PPP2R5C: variants seen among roughly 807,000 people sequenced by gnomAD.
PPP2R5C encodes the protein protein phosphatase 2 regulatory subunit B'gamma.
In PPP2R5C, 7 loss-of-function variants were observed where a neutral mutation model predicts 68.9. That is an observed-to-expected ratio of 0.10 (90% confidence interval 0.06 to 0.19). The LOEUF is 0.19. PPP2R5C is among the 10% of genes least tolerant of loss of function. The pLI is 1.00. For synonymous variants in PPP2R5C, 210 were observed against 222.2 expected (o/e 0.95, Z 0.49); for missense variants, 348 against 641.3 (o/e 0.54, Z 4.94).
intron 13 of PPP2R5C, among the ~76,000 whole-genome samples, chr14:101,919,711 T>C (rs1434311378): frequency 2.6e-5 from 4 of 152,184 alleles, no homozygotes; most frequent in Admixed American, 6.5e-5. Flanking sequence ...CTCACGCCTG[T>C]AATCCCAGCA....
intron 3 of PPP2R5C, among the ~76,000 whole-genome samples, chr14:101,788,473 T>A (rs1267252251): frequency 2.0e-5 from 3 of 152,230 alleles, no homozygotes; most frequent in African/African-American, 7.2e-5. Flanking sequence ...CTTTACCTCT[T>A]CTGAGGAGTC....
intron 1 of PPP2R5C, among the ~76,000 whole-genome samples, chr14:101,830,503 G>A (rs565563651): frequency 2.3e-4 from 35 of 152,308 alleles, no homozygotes; most frequent in South Asian, 1.0e-3. Flanking sequence ...AAATCCACCC[G>A]AGGTGGGGCC....
intron 2 of PPP2R5C, among the ~76,000 whole-genome samples, chr14:101,862,742 A>G (rs963303196): frequency 1.3e-5 from 2 of 152,068 alleles, no homozygotes; most frequent in Admixed American, 6.5e-5. Flanking sequence ...AAACAGTGCC[A>G]CTTTGCTCAC....
intron 2 of PPP2R5C, among the ~76,000 whole-genome samples, chr14:101,881,284 T>C (rs2044157284): frequency 6.6e-6 from 1 of 151,902 alleles, no homozygotes; most frequent in South Asian, 2.1e-4. Flanking sequence ...CCTGTAATTC[T>C]AGCTACTCGG....
intron 1 of PPP2R5C, chr14:101,819,658 C>T (rs1446084765): frequency 6.5e-6 from 1 of 153,184 alleles, no homozygotes; most frequent in Non-Finnish European, 1.5e-5. Context: ...TTTGGTTGCT[C>T]AGGCTGGAGT....
At chr14:101,779,667 T>C (rs2037581531) in intron 2 of PPP2R5C, among the ~76,000 whole-genome samples, 1 of 151,932 alleles carries the variant, frequency 6.6e-6, no homozygotes, top group Non-Finnish European at 1.5e-5. Context: ...GCGGCTGAGC[T>C]CAAACCCCAT....
chr14:101,774,869 G>A (rs1208647332), intron 2 of PPP2R5C, among the ~76,000 whole-genome samples: 1 of 152,214 alleles, frequency 6.6e-6, no homozygotes, highest in East Asian at 1.9e-4. Flanking sequence ...AAATATTCAA[G>A]GCTTCAGGGG....
At position 101,862,118 on chromosome 14, in the gene PPP2R5C, A is replaced by G. The variant is rs138181042; in HGVS notation, c.294+5233A>G. On this transcript the variant is annotated intron_variant, in intron 2 of 13. Transcript: ENST00000334743. ...TTTGTAGACACGGGGTCTCCACTCTATTGGCCAGGCTGGTCTCGAACTCCT... is the reference window on the plus strand; with the variant it reads ...TTTGTAGACACGGGGTCTCCACTCTGTTGGCCAGGCTGGTCTCGAACTCCT... 4.4e-3 allele frequency among the ~76,000 whole-genome samples: 664 copies of G among 152,192 alleles called. 5 individuals are homozygous for G. The highest frequency in any genetic ancestry group is 0.015 in the African/African-American group (625 of 41,508).
intron 2 of PPP2R5C, among the ~76,000 whole-genome samples, chr14:101,777,613 G>T (rs1192834959): frequency 5.3e-5 from 8 of 152,278 alleles, no homozygotes; most frequent in Non-Finnish European, 5.9e-5. Flanking sequence ...GCCTCCCAAG[G>T]TGCTGGGATT....
intron 1 of PPP2R5C, among the ~76,000 whole-genome samples, chr14:101,847,149 C>T (rs558513642): frequency 5.6e-4 from 86 of 152,228 alleles, no homozygotes; most frequent in Non-Finnish European, 1.0e-3. Flanking sequence ...CATCTGTGGT[C>T]CCACTATGTG....
chr14:101,801,422 C>T (rs1001896622), intron 3 of PPP2R5C, among the ~76,000 whole-genome samples: 1 of 152,162 alleles, frequency 6.6e-6, no homozygotes, highest in Admixed American at 6.6e-5. Flanking sequence ...AGTGATTCTT[C>T]CTATGATCAT....
chr14:101,903,539 C>G (rs77989206), intron 9 of PPP2R5C, among the ~76,000 whole-genome samples: 3,373 of 152,316 alleles, frequency 0.022, 75 homozygotes, highest in African/African-American at 0.055. Context: ...GCCCAGCCCC[C>G]CAACTCGCCC....
intron 12 of PPP2R5C, 153 bp downstream of exon 14, chr14:101,912,626 C>T (rs1334634904): frequency 7.6e-7 from 1 of 1,321,396 alleles, no homozygotes; most frequent in Non-Finnish European, 9.7e-7. Context: ...AACTTTGTAA[C>T]CCTCCTTTTG....
chr14:101,839,193 A>G (rs189263190), intron 1 of PPP2R5C: 2 of 150,552 alleles, frequency 1.3e-5, no homozygotes, highest in Non-Finnish European at 3.0e-5. Flanking sequence ...TCTGCTAAAA[A>G]TACAAAATTA....
At chr14:101,768,969 C>T (rs576833559) in intron 2 of PPP2R5C, among the ~76,000 whole-genome samples, 11 of 152,138 alleles carry the variant, frequency 7.2e-5, no homozygotes, top group African/African-American at 2.4e-4. Context: ...GGACTACAGG[C>T]GCCCGCCACC....
chr14:101,763,670 C>T (rs1007188903), intron 2 of PPP2R5C, among the ~76,000 whole-genome samples: 2 of 152,160 alleles, frequency 1.3e-5, no homozygotes, highest in Admixed American at 6.5e-5. Context: ...CCTGAGCCAC[C>T]GTGCCCATCC....
Position 101,856,949 on chromosome 14 carries a change from C to A in PPP2R5C, c.294+64C>A, listed in dbSNP as rs1003959233. The stretch of plus-strand genomic sequence containing the variant: ...ATTTATAAACAGGACAGGCCAAGAT[C>A]TCTGAGCCTAACACAGTGCTACCCA... On this transcript the variant is annotated intron_variant, in intron 2 of 13. Transcript: ENST00000334743. 21 of 1,477,686 alleles carry A rather than the reference C, an allele frequency of 1.4e-5. No individual in the cohort carries two copies. In the Admixed American group the frequency reaches 2.7e-4, roughly 19 times the overall value. 91.5% of individuals were successfully genotyped at this position (1,477,686 alleles called of 1,614,324 possible).
At chr14:101,837,686 T>G (rs544510113) in intron 1 of PPP2R5C, among the ~76,000 whole-genome samples, 35 of 152,294 alleles carry the variant, frequency 2.3e-4, no homozygotes, top group Middle Eastern at 3.4e-3. Flanking sequence ...AAGCTTTATC[T>G]CCAACCTCTA....
chr14:101,824,082 C>A, intron 1 of PPP2R5C: 1 of 1,289,164 alleles, frequency 7.8e-7, no homozygotes, highest in Non-Finnish European at 1.0e-6. Context: ...CCAGGACTGA[C>A]TTTCCACTTG....
Sources: gnomAD v4.1 joint callset for allele counts (sites outside exome capture counted in the v4.1 genomes callset) on GRCh38, gnomAD v4.1.1 for gene constraint, MANE v1.5 for transcripts, NCBI Gene and HGNC (gene_info 2026-07-23, HGNC 2026-07-21) for gene names.